Variants in COL7A1 observed in about 807,000 individuals in gnomAD.
The protein encoded by COL7A1 is collagen type VII alpha 1 chain, also known as collagen alpha-1(VII) chain.
Under a neutral mutation model 456.2 loss-of-function variants are expected in COL7A1, and 296 were observed. The ratio of observed to expected loss-of-function variants is 0.65; its 90% CI spans 0.59 to 0.71. The LOEUF (loss-of-function observed/expected upper bound fraction) is 0.71. COL7A1 is among the 30% of genes least tolerant of loss of function. COL7A1 has a pLI of 0.00. For synonymous variants in COL7A1, 1,464 were observed against 1,525.9 expected, an observed-to-expected ratio of 0.96 and a Z score of 0.95; for missense variants, 3,441 against 4,017.2, an observed-to-expected ratio of 0.86 and a Z score of 3.88.
At position 48,570,332 on chromosome 3, in the gene COL7A1, T is replaced by C. The variant is rs1240560363; in HGVS notation, c.7383A>G (p.Gly2461=). The C allele has an allele frequency of 6.2e-7, 1 of 1,613,966 alleles. No homozygotes were observed. The highest frequency in any genetic ancestry group is 8.5e-7 in the Non-Finnish European group (1 of 1,179,938). Residue 2461 remains glycine, a splice_region_variant and synonymous_variant, in exon 98 of 119, where the codon GGA becomes GGG. Coordinates refer to ENST00000681320, the MANE Select transcript of COL7A1 (RefSeq NM_000094.4). This position sits in a 1 kb window ranked among gnomAD's most constrained non-coding sequence, Gnocchi z 5.5. Reference sequence around the variant, plus strand: ...GCCCAGGCAGCCCTACTCCAGGGTCTCCCTGGAGACCAACAGGACACCGGG... The same window carrying C: ...GCCCAGGCAGCCCTACTCCAGGGTCCCCCTGGAGACCAACAGGACACCGGG... ...PGASGLKGDK[G]DPGVGLPGPR...
rs1216806649 is a variant in COL7A1, at chr3:48,582,472, A to G, written c.4599+6T>C. The G allele has an allele frequency of 8.7e-6, 14 of 1,614,030 alleles. No individual in the cohort carries two copies. The highest frequency in any genetic ancestry group is 1.1e-5 in the Non-Finnish European group (13 of 1,180,006). ...CAGACAGTGCCACCCCCAGCCGAGG[A>G]CCCACCTTCTCTCCTTGGCGGCCAG... is the stretch of plus-strand genomic sequence containing the variant. On this transcript the variant is annotated splice_donor_region_variant and intron_variant, in intron 46 of 118. Transcript: ENST00000681320.
chr3:48,573,980 T>C lies in COL7A1; in HGVS notation c.6502-90A>G. The C allele has an allele frequency of 6.6e-7, 1 of 1,509,260 alleles. No homozygotes were observed. Among genetic ancestry groups the C allele is most frequent in the East Asian group, 2.4e-5 (1 of 42,370 alleles). 93.5% of individuals were successfully genotyped at this position (1,509,260 alleles called of 1,614,324 possible). On this transcript the variant is annotated intron_variant, in intron 80 of 118. Transcript: ENST00000681320. The surrounding 1 kb of genome is among the most constrained non-coding windows in gnomAD (Gnocchi z 5.5). ...GGGGCTTTTTCCTTGGGGGTCAATT[T>C]CCATACCTCACCCTTTCCAGTCACA...
rs1306187502 is a variant in COL7A1, at chr3:48,575,124, G to T, written c.6219C>A (p.Gly2073=). The change falls in exon 76 of 119, where the codon GGC becomes GGA. Residue 2073 remains glycine (G), a splice_region_variant and synonymous_variant. Transcript: ENST00000681320. This position sits in a 1 kb window ranked among gnomAD's most constrained non-coding sequence, Gnocchi z 6.3. ...CAGGGAGTCCAGGAGGGCCATCTCT[G>T]CCCTGCAGGAAACAAGAAAATGGGG... The part of the protein sequence containing the change: ...RGEKGERGEQ[G]RDGPPGLPGT... 6.2e-7 allele frequency: 1 copy of T among 1,613,690 alleles called. No individual in the cohort carries two copies. The highest frequency in any genetic ancestry group is 8.5e-7 in the Non-Finnish European group (1 of 1,179,894).
Position 48,594,435 on chromosome 3 carries a change from G to T in COL7A1, c.199C>A (p.Pro67Thr). 6.2e-7 allele frequency: 1 copy of T among 1,612,090 alleles called. No homozygotes were observed. Among genetic ancestry groups the T allele is most frequent in the South Asian group, 1.1e-5 (1 of 91,004 alleles). The change falls in exon 3 of 119, where the codon CCT becomes ACT. Residue 67 changes from proline (P) to threonine (T), a missense_variant. Coordinates refer to ENST00000681320, the MANE Select transcript of COL7A1 (RefSeq NM_000094.4). The surrounding 1 kb of genome is among the most constrained non-coding windows in gnomAD (Gnocchi z 5.5). Reference sequence around the variant, plus strand: ...TGTGCACTGGCTGCTCCAGAGAAAGGCAGCACCAGCCCTTCGAGAAAGCTG... The same window carrying T: ...TGTGCACTGGCTGCTCCAGAGAAAGTCAGCACCAGCCCTTCGAGAAAGCTG... ...VRSFLEGLVL[P>T]FSGAASAQGV...
Position 48,570,835 on chromosome 3 carries a change from C to T in COL7A1, c.7272+26G>A, listed in dbSNP as rs780527262. 2.2e-5 allele frequency: 35 copies of T among 1,593,170 alleles called. No individual in the cohort carries two copies. The highest frequency in any genetic ancestry group is 3.7e-4 in the Middle Eastern group (2 of 5,344). On this transcript the variant is annotated intron_variant, in intron 95 of 118. Coordinates refer to ENST00000681320, the MANE Select transcript of COL7A1 (RefSeq NM_000094.4). This position sits in a 1 kb window ranked among gnomAD's most constrained non-coding sequence, Gnocchi z 5.5. ...TCACCCACCATGGATTCACCATGCC[C>T]CTACATGCTGTTCCCAGCCCCTCAC...
Position 48,586,923 on chromosome 3 carries a change from G to A in COL7A1, c.3276+49C>T, listed in dbSNP as rs372587438. ...GAGATGGTAACTGGTATGGAGCCTG[G>A]GTGGGGGGCCTCAGGGAGAGGTAGA... On this transcript the variant is annotated intron_variant, in intron 25 of 118. Transcript: ENST00000681320. The surrounding 1 kb of genome is among the most constrained non-coding windows in gnomAD (Gnocchi z 5.1). 4.9e-5 allele frequency: 77 copies of A among 1,560,614 alleles called. No homozygotes were observed. The highest frequency in any genetic ancestry group is 6.3e-5 in the Non-Finnish European group (73 of 1,152,202).
chr3:48,581,330 C>G lies in COL7A1; in HGVS notation c.4829G>C (p.Gly1610Ala). 6.2e-7 allele frequency: 1 copy of G among 1,613,610 alleles called. No homozygotes were observed. Among genetic ancestry groups the G allele is most frequent in the Non-Finnish European group, 8.5e-7 (1 of 1,179,918 alleles). The change falls in exon 52 of 119, where the codon GGG becomes GCG. Residue 1610 changes from glycine to alanine, a missense_variant. By Grantham distance (60) the Gly-to-Ala change is moderately conservative (BLOSUM62 0). Coordinates refer to ENST00000681320, the MANE Select transcript of COL7A1 (RefSeq NM_000094.4). This position sits in a 1 kb window ranked among gnomAD's most constrained non-coding sequence, Gnocchi z 5.8. ...TGRAGPPGDS[G>A]PPGEKGDPGR... is the part of the protein sequence containing the mutation. ...AGGGTCTCCCTTCTCTCCAGGAGGCCCTGAGTCACCCTGTGGAGGAGGCAA... is the reference window on the plus strand; with the variant it reads ...AGGGTCTCCCTTCTCTCCAGGAGGCGCTGAGTCACCCTGTGGAGGAGGCAA...
rs760438915 is a variant in COL7A1 at position 48,593,195 on chromosome 3, A to C, written c.589T>G (p.Phe197Val). The change falls in exon 6 of 119, where the codon TTC (phenylalanine) becomes GTC (valine). Residue 197 changes from phenylalanine (F) to valine (V), a missense_variant. By Grantham distance (50) the Phe-to-Val change is conservative. Coordinates refer to ENST00000681320, the MANE Select transcript of COL7A1 (RefSeq NM_000094.4). This position sits in a 1 kb window ranked among gnomAD's most constrained non-coding sequence, Gnocchi z 4.4. ...CTCAAGATGCTGAAGTCATTGACGAAGAAGAAGAAGTCACTGGTGGGCTGT... is the reference window on the plus strand; with the variant it reads ...CTCAAGATGCTGAAGTCATTGACGACGAAGAAGAAGTCACTGGTGGGCTGT... ...ASQPTSDFFF[F>V]VNDFSILRTL... 5.0e-6 allele frequency: 8 copies of C among 1,613,772 alleles called. No homozygotes were observed. The highest frequency in any genetic ancestry group is 3.3e-5 in the South Asian group (3 of 91,028).
chr3:48,589,582 C>G lies in COL7A1; in HGVS notation c.2170+17G>C. On this transcript the variant is annotated intron_variant, in intron 17 of 118. Transcript: ENST00000681320. ...CATTCCACCCTGACCTGCCCCCTCCCAAACCCCAGTCCCCACCGTGGGCTG... is the reference window on the plus strand; with the variant it reads ...CATTCCACCCTGACCTGCCCCCTCCGAAACCCCAGTCCCCACCGTGGGCTG... 6.2e-7 allele frequency: 1 copy of G among 1,613,470 alleles called. No homozygotes were observed. The highest frequency in any genetic ancestry group is 8.5e-7 in the Non-Finnish European group (1 of 1,179,980).
Position 48,567,948 on chromosome 3 carries a change from C to A in COL7A1, c.7876-57G>T. 6.2e-7 allele frequency: 1 copy of A among 1,610,118 alleles called. No homozygotes were observed. The highest frequency in any genetic ancestry group is 8.5e-7 in the Non-Finnish European group (1 of 1,176,664). ...CCCAGACACCTCACTCTGTGACCCC[C>A]TTCACCCTGAAACTAACTCTCCAAA... On this transcript the variant is annotated intron_variant, in intron 106 of 118. Transcript: ENST00000681320. The surrounding 1 kb of genome is among the most constrained non-coding windows in gnomAD (Gnocchi z 4.3).
chr3:48,569,241 T>G lies in COL7A1; in HGVS notation c.7686+134A>C. ...AGAGCCCCTCCTCTCGGCCACTCCA[T>G]AGTCAGCCACAGAACCCCTTCCCCC... On this transcript the variant is annotated intron_variant, in intron 103 of 118. Coordinates refer to ENST00000681320, the MANE Select transcript of COL7A1 (RefSeq NM_000094.4). The surrounding 1 kb of genome is among the most constrained non-coding windows in gnomAD (Gnocchi z 4.9). The G allele has an allele frequency of 9.1e-7, 1 of 1,095,234 alleles. No individual in the cohort carries two copies. Among genetic ancestry groups the G allele is most frequent in the Non-Finnish European group, 1.4e-6 (1 of 719,782 alleles). 67.8% of individuals were successfully genotyped at this position (1,095,234 alleles called of 1,614,324 possible). A position where few individuals can be genotyped will look rare whatever the true frequency, so the allele number is the denominator to read the frequency against.
In COL7A1 at chr3:48,566,860, G is replaced by A. The variant is rs2043629644; in HGVS notation, c.8226+47C>T. 6.4e-7 allele frequency: 1 copy of A among 1,573,930 alleles called. No homozygotes were observed. The highest frequency in any genetic ancestry group is 8.7e-7 in the Non-Finnish European group (1 of 1,152,446). ...CTGGAAGATGGTTATGAGGTTGGAA[G>A]GGTAGGGAAGGTTCAGGGATCAGGA... is the stretch of plus-strand genomic sequence containing the variant. On this transcript the variant is annotated intron_variant, in intron 111 of 118. Transcript: ENST00000681320. This position sits in a 1 kb window ranked among gnomAD's most constrained non-coding sequence, Gnocchi z 5.9.
At position 48,580,242 on chromosome 3, in the gene COL7A1, G is replaced by A. The variant is rs2044645752; in HGVS notation, c.5097+58C>T. 6.3e-7 allele frequency: 1 copy of A among 1,589,010 alleles called. No individual in the cohort carries two copies. The highest frequency in any genetic ancestry group is 1.8e-4 in the Middle Eastern group (1 of 5,626). ...AGACCCCTTGTGTGAAGGCACACTG[G>A]CAGCAGCGCCAGGGGACCCTCCATC... is the stretch of plus-strand genomic sequence containing the variant. On this transcript the variant is annotated intron_variant, in intron 56 of 118. Transcript: ENST00000681320. The surrounding 1 kb of genome is among the most constrained non-coding windows in gnomAD (Gnocchi z 4.5).
At position 48,576,977 on chromosome 3, in the gene COL7A1, G is replaced by A; in HGVS notation, c.5568+15C>T. 1.2e-6 allele frequency: 2 copies of A among 1,614,030 alleles called. No homozygotes were observed. The highest frequency in any genetic ancestry group is 1.7e-6 in the Non-Finnish European group (2 of 1,180,032). On this transcript the variant is annotated intron_variant, in intron 66 of 118. Transcript: ENST00000681320. Reference sequence around the variant, plus strand: ...CCAAGCAGAGACCAGAGAGACCCCAGGTGGGGGACTTTACCTTCCTCCCGT... The same window carrying A: ...CCAAGCAGAGACCAGAGAGACCCCAAGTGGGGGACTTTACCTTCCTCCCGT...
rs373100290 is a variant in COL7A1, at chr3:48,581,617, C to G, written c.4738G>C (p.Val1580Leu). ...VQGERGPPGL[V>L]LPGDPGPKGD... ...TTGGGGCCAGGGTCTCCAGGAAGAA[C>G]CAAGCCGGGTGGGCCCTGTGGATGG... is the stretch of plus-strand genomic sequence containing the variant. Residue 1580 changes from valine (V) to leucine (L), a missense_variant, in exon 50 of 119, where the codon GTT becomes CTT. Val to Leu is a conservative substitution (Grantham distance 32). This residue lies in a region of COL7A1 where 2,084 missense variants were observed against 2,501.3 expected (regional missense o/e 0.83). Transcript: ENST00000681320. The surrounding 1 kb of genome is among the most constrained non-coding windows in gnomAD (Gnocchi z 5.8). 2.9e-5 allele frequency: 47 copies of G among 1,614,092 alleles called. No individual in the cohort carries two copies. The highest frequency in any genetic ancestry group is 3.9e-5 in the Non-Finnish European group (46 of 1,180,046).
chr3:48,577,147 T>C (rs2044367843), intron 65 of COL7A1, 120 bp from the exon 66 acceptor site: 1 of 1,391,374 alleles, frequency 7.2e-7, no homozygotes, highest in South Asian at 1.2e-5. Flanking sequence ...CATGGTTGTG[T>C]GTGTCTTGGA....
rs775400801 is a variant in COL7A1 at position 48,589,723 on chromosome 3, T to A, written c.2051-5A>T. On this transcript the variant is annotated splice_polypyrimidine_tract_variant and splice_region_variant and intron_variant, in intron 16 of 118. Transcript: ENST00000681320. ...TCCTCACTGGGCCCAGTGGGTCTAG[T>A]GGGGAGAGGCAATGGGGAGTCTGCT... The A allele has an allele frequency of 4.3e-6, 7 of 1,613,476 alleles. No homozygotes were observed. The highest frequency in any genetic ancestry group is 3.4e-6 in the Non-Finnish European group (4 of 1,179,902).
At position 48,585,901 on chromosome 3, in the gene COL7A1, G is replaced by A; in HGVS notation, c.3759+39C>T. The A allele has an allele frequency of 6.2e-7, 1 of 1,614,106 alleles. No homozygotes were observed. ...ATGTGGGTCAGAGTGGCTAGCCCCA[G>A]GTGCAGCCTCTGTTCACCTCTCGAT... On this transcript the variant is annotated intron_variant, in intron 29 of 118. Transcript: ENST00000681320. The surrounding 1 kb of genome is among the most constrained non-coding windows in gnomAD (Gnocchi z 4.5).
Position 48,573,811 on chromosome 3 carries a change from G to A in COL7A1, c.6537+44C>T, listed in dbSNP as rs1320271947. ...AGGCAGTACTGGTCACTGGGGCAGGGCACAGGATGGGGGCAAGACAGGTGA... is the reference window on the plus strand; with the variant it reads ...AGGCAGTACTGGTCACTGGGGCAGGACACAGGATGGGGGCAAGACAGGTGA... On this transcript the variant is annotated intron_variant, in intron 81 of 118. Coordinates refer to ENST00000681320, the MANE Select transcript of COL7A1 (RefSeq NM_000094.4). This position sits in a 1 kb window ranked among gnomAD's most constrained non-coding sequence, Gnocchi z 5.5. 1.1e-5 allele frequency: 18 copies of A among 1,613,894 alleles called. No homozygotes were observed. The highest frequency in any genetic ancestry group is 1.7e-5 in the Admixed American group (1 of 60,006).
Sources: allele counts gnomAD v4.1 joint callset, GRCh38; gene constraint gnomAD v4.1.1; regional missense constraint gnomAD v4.1.1; non-coding constraint Gnocchi (gnomAD v3.1); transcripts MANE v1.5; gene names NCBI Gene and HGNC (gene_info 2026-07-23, HGNC 2026-07-21).